SLC4A4: variants seen among roughly 807,000 people sequenced by gnomAD.
The protein encoded by SLC4A4 is solute carrier family 4 member 4, also known as electrogenic sodium bicarbonate cotransporter 1.
In SLC4A4, 27 loss-of-function variants were observed where a neutral mutation model predicts 111.5. The ratio of observed to expected loss-of-function variants is 0.24; its 90% CI spans 0.18 to 0.33. SLC4A4 has a LOEUF of 0.33. Ranked by LOEUF, SLC4A4 falls within the 10% of genes least tolerant of loss-of-function variation. The pLI is 1.00. For missense variants in SLC4A4, 909 were observed against 1,315.5 expected, an observed-to-expected ratio of 0.69 and a Z score of 4.78; for synonymous variants, 443 against 463.4, an observed-to-expected ratio of 0.96 and a Z score of 0.57.
At chr4:71,317,580 T>C (rs1400557304) in intron 3 of SLC4A4, among the ~76,000 whole-genome samples, 1 of 152,128 alleles carries the variant, frequency 6.6e-6, no homozygotes, top group Non-Finnish European at 1.5e-5. Context: ...AAACAAGCAT[T>C]GTTATTATCA....
chr4:71,220,187 G>T (rs1014355278), intron 1 of SLC4A4, among the ~76,000 whole-genome samples: 1 of 152,148 alleles, frequency 6.6e-6, no homozygotes, highest in Admixed American at 6.5e-5. Flanking sequence ...AAACTTTATT[G>T]TCCATCAGAG....
At chr4:71,517,119 C>T (rs1483273159) in intron 16 of SLC4A4, among the ~76,000 whole-genome samples, 1 of 152,016 alleles carries the variant, frequency 6.6e-6, no homozygotes, top group African/African-American at 2.4e-5. Flanking sequence ...CTTCCTATAG[C>T]TAGATATTTA....
chr4:71,121,972 C>T (rs189546375), intron 2 of SLC4A4, among the ~76,000 whole-genome samples: 73 of 152,132 alleles, frequency 4.8e-4, no homozygotes, highest in African/African-American at 1.6e-3. Context: ...ACTCCAGACG[C>T]GCTTCCTTAA....
intron 2 of SLC4A4, among the ~76,000 whole-genome samples, chr4:71,247,196 A>C (rs922772434): frequency 6.7e-6 from 1 of 148,288 alleles, no homozygotes; most frequent in African/African-American, 2.4e-5. Flanking sequence ...AATATAAATT[A>C]ATATTTAATA....
Position 71,485,732 on chromosome 4 carries a change from T to C in SLC4A4, c.1904-1216T>C, listed in dbSNP as rs1275333839. 5.7e-5 allele frequency among the ~76,000 whole-genome samples: 7 copies of C among 122,986 alleles called. No homozygotes were observed. The South Asian group carries it at 1.4e-3, about 25-fold the overall frequency. 80.7% of individuals were successfully genotyped at this position (122,986 alleles called of 152,430 possible). A position where few individuals can be genotyped will look rare whatever the true frequency, so the allele number is the denominator to read the frequency against. On this transcript the variant is annotated intron_variant, in intron 14 of 25. Transcript: ENST00000264485. ...CTCAAGCTAAATATTTTATCTCTTT[T>C]AGTTGTTTTTCTTGTTTTTTTTCTT...
chr4:71,497,643 C>G lies in SLC4A4; in HGVS notation c.2117C>G (p.Ser706Cys). Reference protein sequence around the residue: ...SFILFLGTYTSSMALKKFKTS... With the variant: ...SFILFLGTYTCSMALKKFKTS... The stretch of plus-strand genomic sequence containing the variant: ...ATCCTCTTCTTGGGAACCTACACCT[C>G]TTCCATGGCTCTGAAAAAATTCAAA... The change falls in exon 16 of 26, where the codon TCT becomes TGT. Residue 706 changes from serine to cysteine, a missense_variant. Physicochemically the swap from Ser to Cys is moderately radical, Grantham distance 112. Coordinates refer to ENST00000264485, the MANE Select transcript of SLC4A4 (RefSeq NM_001098484.3). The G allele has an allele frequency of 6.2e-7, 1 of 1,613,690 alleles. No individual in the cohort carries two copies. The highest frequency in any genetic ancestry group is 8.5e-7 in the Non-Finnish European group (1 of 1,179,738).
chr4:71,395,634 T>C (rs546206564), intron 6 of SLC4A4, among the ~76,000 whole-genome samples: 2 of 152,218 alleles, frequency 1.3e-5, no homozygotes, highest in Non-Finnish European at 2.9e-5. Context: ...TAATTTGGCT[T>C]CTACCTATTC....
chr4:71,487,319 C>T (rs1327077776), intron 15 of SLC4A4, among the ~76,000 whole-genome samples: 1 of 151,604 alleles, frequency 6.6e-6, no homozygotes, highest in Non-Finnish European at 1.5e-5. Flanking sequence ...GAAATATTTT[C>T]ACAAGGGAAA....
At chr4:71,521,417 A>G (rs961635084) in intron 16 of SLC4A4, among the ~76,000 whole-genome samples, 18 of 151,942 alleles carry the variant, frequency 1.2e-4, no homozygotes, top group South Asian at 4.1e-4. Context: ...TTATTTTTGT[A>G]GAGATGGGGT....
chr4:71,407,412 T>C (rs1720962776), intron 7 of SLC4A4, among the ~76,000 whole-genome samples: 1 of 152,198 alleles, frequency 6.6e-6, no homozygotes, highest in African/African-American at 2.4e-5. Context: ...TGTGAGTTTA[T>C]ATCTTAGCTG....
intron 18 of SLC4A4, among the ~76,000 whole-genome samples, chr4:71,536,730 G>A (rs1454871087): frequency 1.3e-5 from 2 of 150,640 alleles, no homozygotes; most frequent in Admixed American, 1.3e-4. Context: ...TCCTGACCTC[G>A]TGATCCGCCC....
rs1168583068 is a variant in SLC4A4 at position 71,198,387 on chromosome 4, ATGTT to A, written c.-2+10990_-2+10993del. Among the ~76,000 whole-genome samples the A allele has an allele frequency of 3.9e-5, 6 of 152,136 alleles. No individual in the cohort carries two copies. In the East Asian group the frequency reaches 1.2e-3, roughly 29 times the overall value. On this transcript the variant is annotated intron_variant, in intron 1 of 25. Coordinates refer to ENST00000264485, the MANE Select transcript of SLC4A4 (RefSeq NM_001098484.3). Reference sequence around the variant, plus strand: ...AGGAATATTTAAGTGCTATATTTCTATGTTTGTCCATGTATCTGAACTTTATGCA... The same window carrying A: ...AGGAATATTTAAGTGCTATATTTCTATGTCCATGTATCTGAACTTTATGCA...
At chr4:71,532,952 A>T (rs546105082) in intron 17 of SLC4A4, among the ~76,000 whole-genome samples, 30 of 152,262 alleles carry the variant, frequency 2.0e-4, no homozygotes, top group African/African-American at 7.0e-4. Flanking sequence ...GAACCTATTG[A>T]TATGTGTAGG....
intron 2 of SLC4A4, among the ~76,000 whole-genome samples, chr4:71,133,846 G>A (rs1408201738): frequency 6.6e-6 from 1 of 152,154 alleles, no homozygotes; most frequent in Non-Finnish European, 1.5e-5. Context: ...ACTCTTTCTA[G>A]AACTTTCAAG....
chr4:71,248,685 T>G (rs959877298), intron 2 of SLC4A4, among the ~76,000 whole-genome samples: 2 of 152,194 alleles, frequency 1.3e-5, no homozygotes, highest in Admixed American at 1.3e-4. Context: ...TGATGATCAC[T>G]GAACATAATA....
chr4:71,473,305 A>C, intron 14 of SLC4A4: 1 of 581,814 alleles, frequency 1.7e-6, no homozygotes, highest in African/African-American at 1.9e-5. Context: ...AACAGATATA[A>C]ATATGTGACA....
At chr4:71,396,579 T>C (rs1719839218) in intron 6 of SLC4A4, among the ~76,000 whole-genome samples, 1 of 152,212 alleles carries the variant, frequency 6.6e-6, no homozygotes, top group African/African-American at 2.4e-5. Context: ...TAAGGATGAA[T>C]GCATTACTCA....
At chr4:71,167,628 G>A (rs903671301) in intron 2 of SLC4A4, among the ~76,000 whole-genome samples, 5 of 152,148 alleles carry the variant, frequency 3.3e-5, no homozygotes, top group African/African-American at 7.2e-5. Context: ...TTTTTGTGAT[G>A]TTGATTATTT....
intron 2 of SLC4A4, among the ~76,000 whole-genome samples, chr4:71,174,759 T>A (rs549455740): frequency 3.9e-5 from 6 of 152,222 alleles, no homozygotes; most frequent in Non-Finnish European, 8.8e-5. Flanking sequence ...TTATTTGTTT[T>A]TGAGACAGGG....
Sources: gnomAD v4.1 joint callset for allele counts (sites outside exome capture counted in the v4.1 genomes callset) on GRCh38, gnomAD v4.1.1 for gene constraint, MANE v1.5 for transcripts, NCBI Gene and HGNC (gene_info 2026-07-23, HGNC 2026-07-21) for gene names.